Variants in EEIG2 observed in about 807,000 individuals in gnomAD.
EEIG2 encodes family with sequence similarity 102 member B.
chr1:108,624,234 A>G, the EEIG2 span, among the ~76,000 whole-genome samples: 2 of 152,104 alleles, frequency 1.3e-5, no homozygotes, highest in East Asian at 3.9e-4. Context: ...GCCAGGGAGC[A>G]CAGTCTCTGA....
At chr1:108,590,681 T>G in the EEIG2 span, among the ~76,000 whole-genome samples, 1 of 152,228 alleles carries the variant, frequency 6.6e-6, no homozygotes, top group Admixed American at 6.5e-5. Flanking sequence ...CTCTGGATCC[T>G]TTAAGCTCTT....
At chr1:108,631,161 TG>T in the EEIG2 span, 1 of 392,660 alleles carries the variant, frequency 2.5e-6, no homozygotes, top group Non-Finnish European at 5.1e-6. Flanking sequence ...AACTGTTTCT[TG>T]GGCCAATTTG....
chr1:108,596,370 T>C, the EEIG2 span, among the ~76,000 whole-genome samples: 1 of 152,160 alleles, frequency 6.6e-6, no homozygotes, highest in Non-Finnish European at 1.5e-5. Flanking sequence ...AACCGACCTG[T>C]TTCTCACATG....
At chr1:108,567,868 T>A in the EEIG2 span, among the ~76,000 whole-genome samples, 1 of 152,044 alleles carries the variant, frequency 6.6e-6, no homozygotes, top group Non-Finnish European at 1.5e-5. Context: ...TTTCGTGGCA[T>A]GCACCTGTGT....
the EEIG2 span, chr1:108,624,583 C>A: frequency 6.9e-7 from 1 of 1,442,680 alleles, no homozygotes; most frequent in Non-Finnish European, 9.7e-7. Flanking sequence ...GCTCACCAAT[C>A]AATAACTATT....
the EEIG2 span, chr1:108,628,104 G>T: frequency 1.4e-6 from 2 of 1,380,506 alleles, no homozygotes; most frequent in Non-Finnish European, 2.1e-6. Flanking sequence ...CTGCAGAGTA[G>T]AATACAAATT....
the EEIG2 span, among the ~76,000 whole-genome samples, chr1:108,633,335 C>T: frequency 6.6e-6 from 1 of 152,178 alleles, no homozygotes; most frequent in African/African-American, 2.4e-5. Flanking sequence ...GTTGCCCAGG[C>T]TGGGGCGCAG....
At chr1:108,624,290 C>G in the EEIG2 span, among the ~76,000 whole-genome samples, 1 of 152,128 alleles carries the variant, frequency 6.6e-6, no homozygotes, top group African/African-American at 2.4e-5. Flanking sequence ...TTCAAAAGGG[C>G]TTGGCACTGC....
At chr1:108,567,978 G>A in the EEIG2 span, among the ~76,000 whole-genome samples, 2 of 151,854 alleles carry the variant, frequency 1.3e-5, no homozygotes, top group South Asian at 4.2e-4. Context: ...CAGCATGGGT[G>A]ATGGAGCAGG....
At chr1:108,635,602 G>GAT in the EEIG2 span, 1 of 153,630 alleles carries the variant, frequency 6.5e-6, no homozygotes, top group Non-Finnish European at 1.4e-5. Flanking sequence ...TGTCAAGATA[G>GAT]TTGTAATTCC....
the EEIG2 span, chr1:108,629,556 C>T: frequency 7.1e-7 from 1 of 1,413,420 alleles, no homozygotes; most frequent in Admixed American, 1.8e-5. Flanking sequence ...AATAATTGTA[C>T]ATGTAACAAA....
chr1:108,631,665 A>G, the EEIG2 span, among the ~76,000 whole-genome samples: 1 of 152,202 alleles, frequency 6.6e-6, no homozygotes, highest in Non-Finnish European at 1.5e-5. Context: ...TAATAAACAT[A>G]TAGCAATTAT....
chr1:108,608,919 A>G, the EEIG2 span, among the ~76,000 whole-genome samples: 1 of 152,352 alleles, frequency 6.6e-6, no homozygotes, highest in East Asian at 1.9e-4. Flanking sequence ...GTGTCCTCAA[A>G]TGGCAGAGAG....
the EEIG2 span, among the ~76,000 whole-genome samples, chr1:108,572,650 C>A: frequency 6.6e-6 from 1 of 152,122 alleles, no homozygotes; most frequent in Admixed American, 6.5e-5. Flanking sequence ...GAGTCTCGCC[C>A]TGTCGCCCAG....
the EEIG2 span, chr1:108,636,504 T>A: frequency 1.3e-5 from 2 of 152,228 alleles, no homozygotes; most frequent in Non-Finnish European, 2.9e-5. Flanking sequence ...ATATCCAAAT[T>A]TAAAGGTTTG....
chr1:108,592,277 C>G, the EEIG2 span, among the ~76,000 whole-genome samples: 1 of 152,216 alleles, frequency 6.6e-6, no homozygotes. Context: ...TGCCTGACTT[C>G]AGTTATTCAT....
At chr1:108,612,160 TTC>T in the EEIG2 span, 1 of 1,554,100 alleles carries the variant, frequency 6.4e-7, no homozygotes, top group East Asian at 2.2e-5. Context: ...ATTAATATAA[TTC>T]TCTTTCTTTT....
At chr1:108,619,569 A>G in the EEIG2 span, among the ~76,000 whole-genome samples, 1 of 152,198 alleles carries the variant, frequency 6.6e-6, no homozygotes, top group African/African-American at 2.4e-5. Context: ...TTTTTAGACT[A>G]TTTAGCTACA....
the EEIG2 span, chr1:108,560,332 C>G: frequency 2.0e-6 from 2 of 991,492 alleles, no homozygotes; most frequent in African/African-American, 3.5e-5. Flanking sequence ...GCACAGCTCG[C>G]GGCCCCGGCC....
Sources: allele counts gnomAD v4.1 joint callset (sites outside exome capture counted in the v4.1 genomes callset), GRCh38; gene constraint gnomAD v4.1.1; transcripts MANE v1.5; gene names NCBI Gene and HGNC (gene_info 2026-07-23, HGNC 2026-07-21).